DYNC2H1: variants seen among roughly 807,000 people sequenced by gnomAD.
DYNC2H1 encodes dynein cytoplasmic 2 heavy chain 1, also known as cytoplasmic dynein 2 heavy chain 1.
Under a neutral mutation model 570.0 loss-of-function variants are expected in DYNC2H1, and 410 were observed. The observed-to-expected ratio is 0.72, with a 90% CI of 0.66 to 0.78. The LOEUF is 0.78. DYNC2H1 is among the 30% of genes least tolerant of loss of function. The probability of loss-of-function intolerance (pLI) is 0.00; values close to 1 mark genes in which losing one functional copy is unlikely to be tolerated. For missense variants in DYNC2H1, 4,865 were observed against 5,046.4 expected, an observed-to-expected ratio of 0.96 and a Z score of 1.09; for synonymous variants, 1,688 against 1,677.6, an observed-to-expected ratio of 1.01 and a Z score of -0.15.
intron 82 of DYNC2H1, among the ~76,000 whole-genome samples, chr11:103,331,976 C>T (rs1938821503): frequency 6.6e-6 from 1 of 151,874 alleles, no homozygotes; most frequent in South Asian, 2.1e-4. Flanking sequence ...AGGAGAATTG[C>T]TTGAACCCGG....
intron 29 of DYNC2H1, 76 bp downstream of exon 29, chr11:103,161,120 C>T: frequency 2.5e-6 from 2 of 792,044 alleles, no homozygotes; most frequent in Non-Finnish European, 3.8e-6. Context: ...ATAATTTAGT[C>T]AATTTAGAGG....
At position 103,369,043 on chromosome 11, in the gene DYNC2H1, C is replaced by T. The variant is rs868442044; in HGVS notation, c.12156+10684C>T. On this transcript the variant is annotated intron_variant, in intron 83 of 88. Transcript: ENST00000375735. The surrounding 1 kb of genome is among the most constrained non-coding windows in gnomAD (Gnocchi z 4.0). Reference sequence around the variant, plus strand: ...AAGCACTCACAATAACTGGTTTTAACTTCTTATTGCTGAAAGAGGCATTGA... The same window carrying T: ...AAGCACTCACAATAACTGGTTTTAATTTCTTATTGCTGAAAGAGGCATTGA... Among the ~76,000 whole-genome samples the T allele has an allele frequency of 2.6e-5, 4 of 152,138 alleles. 1 individual carries two copies. The highest frequency in any genetic ancestry group is 4.1e-4 in the South Asian group (2 of 4,830).
At chr11:103,222,254 A>G in intron 58 of DYNC2H1, 101 bp downstream of exon 58, 1 of 768,706 alleles carries the variant, frequency 1.3e-6, no homozygotes, top group South Asian at 3.4e-5. Flanking sequence ...TAGATCACCT[A>G]AAAATGAAAA....
chr11:103,438,069 T>C (rs187554070), intron 85 of DYNC2H1, among the ~76,000 whole-genome samples: 1 of 152,238 alleles, frequency 6.6e-6, no homozygotes, highest in East Asian at 1.9e-4. Flanking sequence ...ATTGTAGTGA[T>C]AAAATACCCT....
intron 47 of DYNC2H1, among the ~76,000 whole-genome samples, chr11:103,194,863 G>A (rs1231738431): frequency 2.6e-5 from 4 of 151,676 alleles, no homozygotes; most frequent in Admixed American, 1.3e-4. Flanking sequence ...GATTACAGGC[G>A]TGCACCACCT....
rs962107023 is a variant in DYNC2H1, at chr11:103,177,213, A to G, written c.5875-343A>G. Among the ~76,000 whole-genome samples, 1 of 152,184 alleles carries G rather than the reference A, an allele frequency of 6.6e-6. No homozygotes were observed. The highest frequency in any genetic ancestry group is 2.4e-5 in the African/African-American group (1 of 41,454). ...GCCCTCAGTTTTGGAGAGAAGTAAGATAAGAATGAATGAATGAATGAATAA... is the reference window on the plus strand; with the variant it reads ...GCCCTCAGTTTTGGAGAGAAGTAAGGTAAGAATGAATGAATGAATGAATAA... On this transcript the variant is annotated intron_variant, in intron 37 of 88. Coordinates refer to ENST00000375735, the MANE Select transcript of DYNC2H1 (RefSeq NM_001377.3). The surrounding 1 kb of genome is among the most constrained non-coding windows in gnomAD (Gnocchi z 4.4).
intron 70 of DYNC2H1, among the ~76,000 whole-genome samples, chr11:103,265,444 G>A (rs1311965125): frequency 1.3e-5 from 2 of 152,142 alleles, no homozygotes; most frequent in Non-Finnish European, 1.5e-5. Context: ...CATCTATTCT[G>A]CTCTTAATAA....
intron 32 of DYNC2H1, 68 bp downstream of exon 32, chr11:103,169,028 G>T: frequency 7.5e-7 from 1 of 1,332,970 alleles, no homozygotes; most frequent in Non-Finnish European, 1.0e-6. Flanking sequence ...ATTTGTTATT[G>T]GTAGAAATAC....
At position 103,228,805 on chromosome 11, in the gene DYNC2H1, A is replaced by G. The variant is rs1024712556; in HGVS notation, c.9354-2455A>G. ...AGGGCCTTAGAGCTTTCAAGATATT[A>G]TGACCTTTGTTTTTGGCTACCAGGG... is the stretch of plus-strand genomic sequence containing the variant. On this transcript the variant is annotated intron_variant, in intron 59 of 88. Coordinates refer to ENST00000375735, the MANE Select transcript of DYNC2H1 (RefSeq NM_001377.3). This position sits in a 1 kb window ranked among gnomAD's most constrained non-coding sequence, Gnocchi z 6.1. 1.3e-5 allele frequency among the ~76,000 whole-genome samples: 2 copies of G among 152,048 alleles called. No individual in the cohort carries two copies. Among genetic ancestry groups the G allele is most frequent in the South Asian group, 2.1e-4 (1 of 4,828 alleles).
At chr11:103,364,248 A>G (rs1002367956) in intron 83 of DYNC2H1, among the ~76,000 whole-genome samples, 18 of 152,174 alleles carry the variant, frequency 1.2e-4, no homozygotes, top group Admixed American at 1.2e-3. Context: ...ATTATGAGCA[A>G]AAGGGCTAAA....
chr11:103,272,016 A>G (rs908595724), intron 70 of DYNC2H1, among the ~76,000 whole-genome samples: 1 of 152,220 alleles, frequency 6.6e-6, no homozygotes, highest in Non-Finnish European at 1.5e-5. Flanking sequence ...TCAGTGTGGC[A>G]ATTCCTCAAG....
chr11:103,416,944 A>T (rs888363220), intron 84 of DYNC2H1, among the ~76,000 whole-genome samples: 2 of 152,136 alleles, frequency 1.3e-5, no homozygotes, highest in Non-Finnish European at 2.9e-5. Flanking sequence ...GAAAAAAACA[A>T]CCCCATCAAA....
intron 84 of DYNC2H1, among the ~76,000 whole-genome samples, chr11:103,433,260 A>G (rs1943958506): frequency 6.6e-6 from 1 of 152,118 alleles, no homozygotes; most frequent in African/African-American, 2.4e-5. Context: ...CCATAATAGC[A>G]AGGACCTTAT....
At position 103,117,877 on chromosome 11, in the gene DYNC2H1, T is replaced by A. The variant is rs1278520018; in HGVS notation, c.999+14T>A. On this transcript the variant is annotated intron_variant, in intron 6 of 88. Coordinates refer to ENST00000375735, the MANE Select transcript of DYNC2H1 (RefSeq NM_001377.3). ...CGCCTTGAAGAGGTATCAATTTGAT[T>A]ATCTAGATCTTTGTCTTTAAATGTA... 3.8e-6 allele frequency: 6 copies of A among 1,587,804 alleles called. No individual in the cohort carries two copies. Among genetic ancestry groups the A allele is most frequent in the Non-Finnish European group, 5.2e-6 (6 of 1,163,014 alleles).
In DYNC2H1 at chr11:103,205,082, T is replaced by C; in HGVS notation, c.8454+118T>C. The C allele has an allele frequency of 1.1e-6, 1 of 890,288 alleles. No homozygotes were observed. The highest frequency in any genetic ancestry group is 3.1e-5 in the Admixed American group (1 of 32,178). 55.1% of individuals were successfully genotyped at this position (890,288 alleles called of 1,614,324 possible). Reference sequence around the variant, plus strand: ...CACCTTAATTATGGCACCAAACATCTCTTATGTTTGGAAATGTCTGTTTTC... The same window carrying C: ...CACCTTAATTATGGCACCAAACATCCCTTATGTTTGGAAATGTCTGTTTTC... On this transcript the variant is annotated intron_variant, in intron 52 of 88. Coordinates refer to ENST00000375735, the MANE Select transcript of DYNC2H1 (RefSeq NM_001377.3). The surrounding 1 kb of genome is among the most constrained non-coding windows in gnomAD (Gnocchi z 4.5).
intron 20 of DYNC2H1, among the ~76,000 whole-genome samples, chr11:103,149,032 G>A (rs1860390709): frequency 6.6e-6 from 1 of 152,098 alleles, no homozygotes; most frequent in Admixed American, 6.6e-5. Context: ...ACTCCAGCCT[G>A]GGTGACAGAG....
chr11:103,270,321 G>A (rs12805750), intron 70 of DYNC2H1, among the ~76,000 whole-genome samples: 16,367 of 151,958 alleles, frequency 0.11, 1,007 homozygotes, highest in East Asian at 0.22. Flanking sequence ...GGGTGCCTAG[G>A]ACTGTAGATA....
At chr11:103,430,326 G>A (rs756832143) in intron 84 of DYNC2H1, among the ~76,000 whole-genome samples, 17 of 151,956 alleles carry the variant, frequency 1.1e-4, no homozygotes, top group Non-Finnish European at 2.4e-4. Context: ...CACTTCCGAG[G>A]GTTGTCGTAA....
At position 103,135,846 on chromosome 11, in the gene DYNC2H1, T is replaced by C. The variant is rs779852550; in HGVS notation, c.2472T>C (p.Ile824=). ...TGGGTGAGGCAGGAGATGAATCTATTTTTTCTATTATGATTGATAGAAATG... is the reference window on the plus strand; with the variant it reads ...TGGGTGAGGCAGGAGATGAATCTATCTTTTCTATTATGATTGATAGAAATG... ...KGVGEAGDES[I]FSIMIDRNAS... is the part of the protein sequence containing the mutation. The change falls in exon 17 of 89, where the codon ATT becomes ATC. Residue 824 remains isoleucine (I), a synonymous_variant. Transcript: ENST00000375735. 6.2e-7 allele frequency: 1 copy of C among 1,613,230 alleles called. No individual in the cohort carries two copies. Among genetic ancestry groups the C allele is most frequent in the Non-Finnish European group, 8.5e-7 (1 of 1,179,592 alleles).
Sources: allele counts gnomAD v4.1 joint callset (sites outside exome capture counted in the v4.1 genomes callset), GRCh38; gene constraint gnomAD v4.1.1; non-coding constraint Gnocchi (gnomAD v3.1); transcripts MANE v1.5; gene names NCBI Gene and HGNC (gene_info 2026-07-23, HGNC 2026-07-21).